FMN2: variants seen among roughly 807,000 people sequenced by gnomAD.
FMN2 encodes the protein formin 2, also known as formin-2.
FMN2 carries 51 observed loss-of-function variants against 142.3 expected under a neutral mutation model. The observed-to-expected ratio is 0.36, with a 90% CI of 0.29 to 0.45. The LOEUF is 0.45. Ranked by LOEUF, FMN2 falls within the 20% of genes least tolerant of loss-of-function variation. The pLI is 1.00. For synonymous variants in FMN2, 882 were observed against 869.8 expected (o/e 1.01, Z -0.25); for missense variants, 1,936 against 2,122.8 (o/e 0.91, Z 1.73).
At chr1:240,300,346 A>T (rs990447338) in intron 8 of FMN2, among the ~76,000 whole-genome samples, 1 of 152,196 alleles carries the variant, frequency 6.6e-6, no homozygotes, top group African/African-American at 2.4e-5. Context: ...GCATGGTAGA[A>T]CGTTTAGGCA....
chr1:240,114,579 A>G (rs1255135291), intron 1 of FMN2, among the ~76,000 whole-genome samples: 1 of 151,718 alleles, frequency 6.6e-6, no homozygotes, highest in Non-Finnish European at 1.5e-5. Flanking sequence ...TGGATTTTCC[A>G]TCCACTTGCT....
chr1:240,329,682 T>G (rs1183448694), intron 10 of FMN2, among the ~76,000 whole-genome samples: 1 of 152,212 alleles, frequency 6.6e-6, no homozygotes, highest in East Asian at 1.9e-4. Context: ...ATTGCTAGAA[T>G]GTGGCCAATA....
chr1:240,222,248 T>C (rs1229974856), intron 6 of FMN2, among the ~76,000 whole-genome samples: 1 of 152,176 alleles, frequency 6.6e-6, no homozygotes, highest in Non-Finnish European at 1.5e-5. Context: ...AAATAGGGAC[T>C]CCTTTCCCCA....
At chr1:240,157,147 A>G (rs186653493) in intron 2 of FMN2, among the ~76,000 whole-genome samples, 2 of 152,354 alleles carry the variant, frequency 1.3e-5, no homozygotes, top group East Asian at 1.9e-4. Context: ...TGTTTCCTCT[A>G]CAGTGCTGTG....
rs770334352 is a variant in FMN2 at position 240,258,077 on chromosome 1, G to T, written c.4153+45G>T. Reference sequence around the variant, plus strand: ...TTTAGCTTCTGAATATTAAAATTTGGGCTGAGGGATATGATGTTTGTTGGT... The same window carrying T: ...TTTAGCTTCTGAATATTAAAATTTGTGCTGAGGGATATGATGTTTGTTGGT... On this transcript the variant is annotated intron_variant, in intron 7 of 17. Transcript: ENST00000319653. 5 of 1,474,402 alleles carry T rather than the reference G, an allele frequency of 3.4e-6. No individual in the cohort carries two copies. In the East Asian group the frequency reaches 6.8e-5, roughly 20 times the overall value. The allele number at this position is 1,474,402 out of a possible 1,614,324, so 91.3% of individuals were successfully genotyped here. A position where few individuals can be genotyped will look rare whatever the true frequency, so the allele number is the denominator to read the frequency against.
intron 2 of FMN2, among the ~76,000 whole-genome samples, chr1:240,148,209 GAGAGACAGAGACAGAGAGAC>G (rs1558320929): frequency 7.2e-6 from 1 of 138,030 alleles, no homozygotes; most frequent in African/African-American, 2.8e-5. Context: ...GACAGAGAGA[GAGAGACAGAGACAGAGAGAC>G]AGAGACCGAG....
intron 13 of FMN2, 70 bp downstream of exon 13, chr1:240,334,299 G>T (rs1005451845): frequency 4.2e-6 from 6 of 1,431,874 alleles, no homozygotes; most frequent in African/African-American, 1.4e-5. Context: ...ACTTTTCAAT[G>T]TTTTTAGAGA....
intron 16 of FMN2, among the ~76,000 whole-genome samples, chr1:240,465,069 A>T (rs1198062690): frequency 6.6e-6 from 1 of 151,798 alleles, no homozygotes; most frequent in Non-Finnish European, 1.5e-5. Flanking sequence ...GTGGTTTTGT[A>T]TGTGTGTATT....
intron 2 of FMN2, among the ~76,000 whole-genome samples, chr1:240,136,085 A>T (rs1211712003): frequency 1.3e-5 from 2 of 151,972 alleles, no homozygotes. Flanking sequence ...GTTTTTATAC[A>T]TATGTGTTTA....
At chr1:240,361,250 G>A (rs910635813) in intron 14 of FMN2, among the ~76,000 whole-genome samples, 6 of 149,554 alleles carry the variant, frequency 4.0e-5, no homozygotes, top group East Asian at 2.0e-4. Flanking sequence ...TGGTAGTTGC[G>A]TCGTGGGAGG....
At chr1:240,267,679 T>G (rs1261445468) in intron 7 of FMN2, among the ~76,000 whole-genome samples, 1 of 150,110 alleles carries the variant, frequency 6.7e-6, no homozygotes, top group Admixed American at 6.6e-5. Flanking sequence ...AAACAACATA[T>G]AACAAAATGA....
intron 6 of FMN2, among the ~76,000 whole-genome samples, chr1:240,224,234 G>A (rs770752323): frequency 3.9e-5 from 6 of 151,970 alleles, no homozygotes; most frequent in Admixed American, 3.9e-4. Flanking sequence ...GCTTGATTTC[G>A]TTATTTACCC....
intron 14 of FMN2, among the ~76,000 whole-genome samples, chr1:240,372,639 C>CTTTT (rs748480743): frequency 8.7e-6 from 1 of 114,844 alleles, no homozygotes; most frequent in African/African-American, 3.2e-5. Flanking sequence ...GGAAGAATTT[C>CTTTT]TTTTTTTTTT....
intron 4 of FMN2, among the ~76,000 whole-genome samples, chr1:240,202,522 C>T (rs1235900676): frequency 1.3e-5 from 2 of 152,042 alleles, no homozygotes; most frequent in East Asian, 1.9e-4. Context: ...TTTTTAGAGG[C>T]AGAGTCTCAC....
chr1:240,096,193 T>A (rs1661189665), intron 1 of FMN2, among the ~76,000 whole-genome samples: 1 of 152,194 alleles, frequency 6.6e-6, no homozygotes, highest in African/African-American at 2.4e-5. Flanking sequence ...ATGTCATTAT[T>A]ATTTCTGTTT....
At chr1:240,377,363 T>C (rs1673081996) in intron 14 of FMN2, among the ~76,000 whole-genome samples, 1 of 152,154 alleles carries the variant, frequency 6.6e-6, no homozygotes, top group African/African-American at 2.4e-5. Context: ...GTCTTGTGTT[T>C]GCATAGTTTC....
intron 14 of FMN2, among the ~76,000 whole-genome samples, chr1:240,356,189 C>T (rs1438790699): frequency 6.6e-6 from 1 of 151,970 alleles, no homozygotes; most frequent in Non-Finnish European, 1.5e-5. Context: ...GTTAAAATAG[C>T]TCATCTTTTA....
chr1:240,131,902 G>A (rs1662755729), intron 2 of FMN2, among the ~76,000 whole-genome samples: 1 of 152,166 alleles, frequency 6.6e-6, no homozygotes, highest in Non-Finnish European at 1.5e-5. Context: ...AAACAGATTG[G>A]CATTTGTAAA....
chr1:240,122,245 G>A (rs931446078), intron 1 of FMN2, among the ~76,000 whole-genome samples: 11 of 146,910 alleles, frequency 7.5e-5, no homozygotes, highest in African/African-American at 3.0e-4. Flanking sequence ...CCACCACCAC[G>A]GCTGGTTATT....
Sources: allele counts gnomAD v4.1 joint callset (sites outside exome capture counted in the v4.1 genomes callset), GRCh38; gene constraint gnomAD v4.1.1; transcripts MANE v1.5; gene names NCBI Gene and HGNC (gene_info 2026-07-23, HGNC 2026-07-21).